Variants in MBNL1 observed in about 807,000 individuals in gnomAD.
MBNL1 encodes muscleblind-like protein 1.
In MBNL1, 8 loss-of-function variants were observed where a neutral mutation model predicts 42.2. That is an observed-to-expected ratio of 0.19 (90% CI 0.11 to 0.34). MBNL1 has a LOEUF of 0.34. Among genes scored for constraint, MBNL1 ranks in the 10% least tolerant of loss-of-function variants. The pLI is 1.00. For synonymous variants in MBNL1, 169 were observed against 173.9 expected (o/e 0.97, Z 0.22); for missense variants, 309 against 495.3 (o/e 0.62, Z 3.57).
At chr3:152,259,425 CA>C (rs1240015063) in intron 2 of MBNL1, among the ~76,000 whole-genome samples, 1 of 151,882 alleles carries the variant, frequency 6.6e-6, no homozygotes, top group Non-Finnish European at 1.5e-5. Context: ...TACATCCAGC[CA>C]AAAAAGATTT....
chr3:152,438,732 A>T (rs73011739), intron 4 of MBNL1, among the ~76,000 whole-genome samples: 1 of 152,230 alleles, frequency 6.6e-6, no homozygotes, highest in East Asian at 1.9e-4. Flanking sequence ...AGATACTAGC[A>T]TCTCTTATTT....
At chr3:152,440,865 T>A (rs1039331653) in intron 4 of MBNL1, among the ~76,000 whole-genome samples, 5 of 152,212 alleles carry the variant, frequency 3.3e-5, no homozygotes, top group Middle Eastern at 3.2e-3. Flanking sequence ...GATTACTTTT[T>A]AAAGTAATAC....
At position 152,462,550 on chromosome 3, in the gene MBNL1, C is replaced by T. The variant is rs188343801; in HGVS notation, c.*184C>T. 119 of 152,300 alleles carry T rather than the reference C, an allele frequency of 7.8e-4. No individual in the cohort carries two copies. Among genetic ancestry groups the T allele is most frequent in the African/African-American group, 2.7e-3 (114 of 41,582 alleles). The allele number at this position is 152,300 out of a possible 1,614,324, so 9.4% of individuals were successfully genotyped here. ...AAAGACAACATTTTCCGGAAATCCACTGCACACTGTTGCCTATACACTTTG... is the reference window on the plus strand; with the variant it reads ...AAAGACAACATTTTCCGGAAATCCATTGCACACTGTTGCCTATACACTTTG... On this transcript the variant is annotated 3_prime_UTR_variant, in exon 10 of 10. Coordinates refer to ENST00000324210, the MANE Select transcript of MBNL1 (RefSeq NM_021038.5).
intron 2 of MBNL1, among the ~76,000 whole-genome samples, chr3:152,344,409 G>A (rs2093880268): frequency 6.6e-6 from 1 of 152,106 alleles, no homozygotes; most frequent in Admixed American, 6.6e-5. Flanking sequence ...AGTCCTAACA[G>A]GTATTGCAGT....
At chr3:152,296,170 A>T (rs553493637) in intron 1 of MBNL1, among the ~76,000 whole-genome samples, 15 of 152,298 alleles carry the variant, frequency 9.8e-5, no homozygotes, top group Middle Eastern at 3.4e-3. Context: ...GATTAAGTGC[A>T]TTAGGGAGAG....
At chr3:152,381,476 C>CA (rs1390056037) in intron 2 of MBNL1, among the ~76,000 whole-genome samples, 1 of 151,810 alleles carries the variant, frequency 6.6e-6, no homozygotes, top group African/African-American at 2.4e-5. Flanking sequence ...AATTTTAAAA[C>CA]AACATAAAAA....
At chr3:152,412,250 T>C (rs1238441396) in intron 2 of MBNL1, among the ~76,000 whole-genome samples, 1 of 151,992 alleles carries the variant, frequency 6.6e-6, no homozygotes, top group Non-Finnish European at 1.5e-5. Context: ...GTGTATCTAA[T>C]ATCATTTGCA....
intron 3 of MBNL1, among the ~76,000 whole-genome samples, chr3:152,431,610 T>C (rs1241585808): frequency 6.6e-6 from 1 of 152,214 alleles, no homozygotes; most frequent in Admixed American, 6.5e-5. Flanking sequence ...CTTCTATAAT[T>C]CTGTTCATTA....
At chr3:152,384,494 A>C (rs980266159) in intron 2 of MBNL1, among the ~76,000 whole-genome samples, 5 of 152,136 alleles carry the variant, frequency 3.3e-5, no homozygotes, top group African/African-American at 1.2e-4. Context: ...CCATTTAAAA[A>C]CCATCAAACT....
intron 4 of MBNL1, among the ~76,000 whole-genome samples, chr3:152,435,545 T>A (rs1560584911): frequency 6.6e-6 from 1 of 152,154 alleles, no homozygotes; most frequent in Non-Finnish European, 1.5e-5. Context: ...TCCATATGAA[T>A]TTTTAAATAG....
chr3:152,391,080 G>C (rs2097696986), intron 2 of MBNL1, among the ~76,000 whole-genome samples: 1 of 152,166 alleles, frequency 6.6e-6, no homozygotes. Context: ...AGATAGTATA[G>C]TTATTCCCAT....
chr3:152,316,442 C>G (rs2071503056), intron 2 of MBNL1, among the ~76,000 whole-genome samples: 1 of 152,186 alleles, frequency 6.6e-6, no homozygotes, highest in African/African-American at 2.4e-5. Flanking sequence ...CAACAGCTTG[C>G]ATGGCATGCC....
At chr3:152,340,716 A>C (rs764665318) in intron 2 of MBNL1, 45 of 1,614,048 alleles carry the variant, frequency 2.8e-5, no homozygotes, top group Admixed American at 6.7e-5. Flanking sequence ...GAGAACTCAA[A>C]TGTTCCTTTG....
chr3:152,435,686 T>C (rs549163318), intron 4 of MBNL1, among the ~76,000 whole-genome samples: 47 of 152,350 alleles, frequency 3.1e-4, no homozygotes, highest in African/African-American at 1.1e-3. Flanking sequence ...TGGAATGTTT[T>C]TCAGTTTGTT....
At position 152,415,044 on chromosome 3, in the gene MBNL1, T is replaced by C; in HGVS notation, c.278T>C (p.Met93Thr). 6.2e-7 allele frequency: 1 copy of C among 1,610,866 alleles called. No homozygotes were observed. ...AATAACTTGATTCAGCAGAAGAACA[T>C]GGCCATGTTGGCCCAGCAAATGCAA... ...GRNNLIQQKN[M>T]AMLAQQMQLA... is the part of the protein sequence containing the mutation. The change falls in exon 3 of 10, where the codon ATG becomes ACG. Residue 93 changes from methionine (M) to threonine (T), a missense_variant. Transcript: ENST00000324210.
intron 2 of MBNL1, among the ~76,000 whole-genome samples, chr3:152,300,675 C>G (rs2060364820): frequency 6.6e-6 from 1 of 151,968 alleles, no homozygotes; most frequent in South Asian, 2.1e-4. Context: ...AATGTAGCTA[C>G]CTGTGAGTGT....
chr3:152,377,821 T>A (rs926110160), intron 2 of MBNL1, among the ~76,000 whole-genome samples: 2 of 152,208 alleles, frequency 1.3e-5, no homozygotes, highest in Non-Finnish European at 2.9e-5. Context: ...GACACAAGGA[T>A]AAGGTATAGG....
At chr3:152,358,916 G>A (rs557472708) in intron 2 of MBNL1, among the ~76,000 whole-genome samples, 45 of 152,128 alleles carry the variant, frequency 3.0e-4, no homozygotes, top group Admixed American at 6.5e-4. Flanking sequence ...AGCCTCATCT[G>A]GTTTTTAAAG....
At chr3:152,353,450 C>T (rs915651090) in intron 2 of MBNL1, among the ~76,000 whole-genome samples, 3 of 152,106 alleles carry the variant, frequency 2.0e-5, no homozygotes, top group South Asian at 2.1e-4. Context: ...GGAAATAGTG[C>T]GTAGGAATTG....
Sources: gnomAD v4.1 joint callset for allele counts (sites outside exome capture counted in the v4.1 genomes callset) on GRCh38, gnomAD v4.1.1 for gene constraint, MANE v1.5 for transcripts, NCBI Gene and HGNC (gene_info 2026-07-23, HGNC 2026-07-21) for gene names.